The following CUL2 variants were observed in gnomAD, a reference collection of about 807,000 sequenced individuals.
CUL2 encodes the protein cullin 2, also known as cullin-2.
CUL2 carries 22 observed loss-of-function variants against 110.2 expected under a neutral mutation model. The ratio of observed to expected loss-of-function variants is 0.20; its 90% CI spans 0.14 to 0.28. CUL2 has a LOEUF of 0.28. Among genes scored for constraint, CUL2 ranks in the 10% least tolerant of loss-of-function variants. The pLI is 1.00. For missense variants in CUL2, 631 were observed against 905.5 expected (o/e 0.70, Z 3.89); for synonymous variants, 279 against 293.2 (o/e 0.95, Z 0.49).
At position 35,029,595 on chromosome 10, in the gene CUL2, T is replaced by C; in HGVS notation, c.1432A>G (p.Thr478Ala). The stretch of plus-strand genomic sequence containing the variant: ...AGATCAGCGCTGACACTCATATCTG[T>C]ATACATCCGATGTAGCTTGCTGGTA... ...EFTSKLHRMY[T>A]DMSVSADLNN... Residue 478 changes from threonine (T) to alanine (A), a missense_variant, in exon 15 of 21, where the codon ACA becomes GCA. This residue lies in a region of CUL2 where 134 missense variants were observed against 260.4 expected (regional missense o/e 0.51). Transcript: ENST00000374749. 1.3e-6 allele frequency: 2 copies of C among 1,597,018 alleles called. No individual in the cohort carries two copies. The highest frequency in any genetic ancestry group is 1.7e-6 in the Non-Finnish European group (2 of 1,174,866).
At chr10:35,047,466 C>T (rs1016060555) in intron 6 of CUL2, among the ~76,000 whole-genome samples, 6 of 151,396 alleles carry the variant, frequency 4.0e-5, no homozygotes, top group South Asian at 4.2e-4. Context: ...AAAAAATAGC[C>T]GGGTGTGGTG....
At chr10:35,109,042 A>G (rs2087497644) in intron 1 of CUL2, among the ~76,000 whole-genome samples, 1 of 152,084 alleles carries the variant, frequency 6.6e-6, no homozygotes, top group South Asian at 2.1e-4. Flanking sequence ...GCAAAACTCT[A>G]TCTCTACAAA....
chr10:35,048,080 G>A (rs1029146915), intron 6 of CUL2, among the ~76,000 whole-genome samples: 1 of 152,122 alleles, frequency 6.6e-6, no homozygotes, highest in African/African-American at 2.4e-5. Context: ...GACACTAATA[G>A]TATTAGCCTT....
chr10:35,042,953 A>T (rs1317576113), intron 8 of CUL2, among the ~76,000 whole-genome samples: 1 of 151,904 alleles, frequency 6.6e-6, no homozygotes, highest in African/African-American at 2.4e-5. Context: ...CACTATCTCA[A>T]GTAGATGGTG....
intron 1 of CUL2, among the ~76,000 whole-genome samples, chr10:35,109,900 A>C (rs2087506185): frequency 6.6e-6 from 1 of 152,204 alleles, no homozygotes; most frequent in Admixed American, 6.5e-5. Flanking sequence ...TGGGCCAGGC[A>C]TGGTGGCTCA....
intron 16 of CUL2, among the ~76,000 whole-genome samples, chr10:35,026,345 G>T (rs1564702768): frequency 6.6e-6 from 1 of 152,158 alleles, no homozygotes; most frequent in East Asian, 1.9e-4. Context: ...ATAACTCCCA[G>T]GGATATCAAT....
intron 10 of CUL2, 25 bp from the exon 11 acceptor site, chr10:35,033,298 A>G (rs746527430): frequency 1.3e-6 from 2 of 1,504,112 alleles, no homozygotes; most frequent in Non-Finnish European, 1.8e-6. Flanking sequence ...TAAGTACAAA[A>G]CCACATTTTA....
At chr10:35,012,193 A>G (rs2084919704) in intron 19 of CUL2, among the ~76,000 whole-genome samples, 1 of 151,934 alleles carries the variant, frequency 6.6e-6, no homozygotes. Context: ...AGCTGGGATT[A>G]CAGGTATGCA....
intron 16 of CUL2, among the ~76,000 whole-genome samples, chr10:35,026,567 G>T (rs112255245): frequency 0.027 from 4,091 of 152,186 alleles, 181 homozygotes; most frequent in African/African-American, 0.09. Context: ...TACCTCTTCA[G>T]TAGTACTATT....
intron 1 of CUL2, among the ~76,000 whole-genome samples, chr10:35,119,124 A>G (rs2087643710): frequency 6.6e-6 from 1 of 152,264 alleles, no homozygotes; most frequent in African/African-American, 2.4e-5. Context: ...TCTGGCTCAC[A>G]TTTTCTTCAC....
chr10:35,095,653 G>A (rs993055080), intron 2 of CUL2, among the ~76,000 whole-genome samples: 6 of 152,056 alleles, frequency 3.9e-5, no homozygotes, highest in East Asian at 1.9e-4. Flanking sequence ...CCGCCTCCCC[G>A]GTTCAAGCCA....
At chr10:35,041,253 G>A (rs1005106766) in intron 8 of CUL2, among the ~76,000 whole-genome samples, 2 of 152,220 alleles carry the variant, frequency 1.3e-5, no homozygotes, top group African/African-American at 4.8e-5. Context: ...GTGGGTCTGA[G>A]AGAGGTGAAG....
At chr10:35,073,200 G>T (rs1276956705) in intron 1 of CUL2, among the ~76,000 whole-genome samples, 1 of 152,120 alleles carries the variant, frequency 6.6e-6, no homozygotes, top group Non-Finnish European at 1.5e-5. Context: ...CCACCTCCTG[G>T]CCTTCAACTC....
chr10:35,069,922 A>C (rs778373001), intron 2 of CUL2, among the ~76,000 whole-genome samples: 1 of 152,214 alleles, frequency 6.6e-6, no homozygotes, highest in Non-Finnish European at 1.5e-5. Context: ...CTTGCCCCAA[A>C]TCAATCCATA....
chr10:35,044,557 A>C lies in CUL2; in HGVS notation c.714+9T>G. 2 of 1,532,546 alleles carry C rather than the reference A, an allele frequency of 1.3e-6. No homozygotes were observed. Among genetic ancestry groups the C allele is most frequent in the African/African-American group, 2.8e-5 (2 of 72,692 alleles). 94.9% of individuals were successfully genotyped at this position (1,532,546 alleles called of 1,614,324 possible). A position where few individuals can be genotyped will look rare whatever the true frequency, so the allele number is the denominator to read the frequency against. The stretch of plus-strand genomic sequence containing the variant: ...TAGATAAATGTATTCGATATGTTTT[A>C]TTTCTTACCTTTTCCATATACTGTG... On this transcript the variant is annotated intron_variant, in intron 8 of 20. Coordinates refer to ENST00000374749, the MANE Select transcript of CUL2 (RefSeq NM_003591.4).
chr10:35,079,184 T>C (rs1589043949), intron 1 of CUL2, among the ~76,000 whole-genome samples: 2 of 152,352 alleles, frequency 1.3e-5, no homozygotes, highest in South Asian at 4.1e-4. Flanking sequence ...ATAACAATTA[T>C]AACAATATGC....
At chr10:35,036,616 T>G (rs1011585902) in intron 9 of CUL2, among the ~76,000 whole-genome samples, 13 of 152,242 alleles carry the variant, frequency 8.5e-5, no homozygotes, top group South Asian at 4.1e-4. Flanking sequence ...CTATGTTTAT[T>G]GGCCATCTGG....
intron 8 of CUL2, among the ~76,000 whole-genome samples, chr10:35,042,828 A>G (rs2085829209): frequency 6.6e-6 from 1 of 152,152 alleles, no homozygotes; most frequent in Non-Finnish European, 1.5e-5. Flanking sequence ...AGTGTACTGT[A>G]GGACTTCAAC....
chr10:35,066,632 A>G (rs546498490), intron 2 of CUL2, among the ~76,000 whole-genome samples: 1 of 152,386 alleles, frequency 6.6e-6, no homozygotes, highest in South Asian at 2.1e-4. Context: ...GAAAGAATAC[A>G]GATGCAGTAT....
Sources: allele counts gnomAD v4.1 joint callset (sites outside exome capture counted in the v4.1 genomes callset), GRCh38; gene constraint gnomAD v4.1.1; regional missense constraint gnomAD v4.1.1; transcripts MANE v1.5; gene names NCBI Gene and HGNC (gene_info 2026-07-23, HGNC 2026-07-21).